SPECC1: variants seen among roughly 807,000 people sequenced by gnomAD.
SPECC1 encodes cytospin-B.
Under a neutral mutation model 104.1 loss-of-function variants are expected in SPECC1, and 62 were observed. The ratio of observed to expected loss-of-function variants is 0.60; its 90% confidence interval spans 0.49 to 0.74. SPECC1 has a LOEUF of 0.74. Among genes scored for constraint, SPECC1 ranks in the 30% least tolerant of loss-of-function variants. The pLI is 0.00. For missense variants in SPECC1, 1,306 were observed against 1,310.5 expected (o/e 1.00, Z 0.05); for synonymous variants, 513 against 501.6 (o/e 1.02, Z -0.30).
At chr17:20,100,106 T>A in intron 2 of SPECC1, among the ~76,000 whole-genome samples, 1 of 152,218 alleles carries the variant, frequency 6.6e-6, no homozygotes, top group Non-Finnish European at 1.5e-5. Flanking sequence ...TTTTTAAAAT[T>A]AATGTTTTGA....
chr17:20,151,763 C>T (rs2032025722), intron 3 of SPECC1, among the ~76,000 whole-genome samples: 1 of 152,140 alleles, frequency 6.6e-6, no homozygotes, highest in African/African-American at 2.4e-5. Flanking sequence ...TTAAAATTAT[C>T]CATGGCTGGG....
intron 3 of SPECC1, among the ~76,000 whole-genome samples, chr17:20,154,476 C>T (rs2032282090): frequency 6.6e-6 from 1 of 152,054 alleles, no homozygotes; most frequent in African/African-American, 2.4e-5. Context: ...GGAACATGCC[C>T]CGCTTATTTG....
At chr17:20,178,495 G>C (rs566040535) in intron 3 of SPECC1, among the ~76,000 whole-genome samples, 72 of 152,280 alleles carry the variant, frequency 4.7e-4, no homozygotes, top group Non-Finnish European at 8.7e-4. Flanking sequence ...ATATCAAGCT[G>C]AACATTCACA....
At chr17:20,239,569 C>T (rs1245325541) in intron 7 of SPECC1, 1 of 155,704 alleles carries the variant, frequency 6.4e-6, no homozygotes. Flanking sequence ...TACTAATGCA[C>T]AACAAGGTTA....
At chr17:20,067,758 A>G (rs1038919440) in intron 1 of SPECC1, among the ~76,000 whole-genome samples, 8 of 152,290 alleles carry the variant, frequency 5.3e-5, no homozygotes, top group Non-Finnish European at 1.0e-4. Context: ...AAAGTGAACA[A>G]TATGGTGATT....
At chr17:20,167,009 G>A (rs79932922) in intron 3 of SPECC1, among the ~76,000 whole-genome samples, 1 of 151,876 alleles carries the variant, frequency 6.6e-6, no homozygotes, top group African/African-American at 2.4e-5. Flanking sequence ...TACTCAGGAG[G>A]CTGGGGCAGA....
At chr17:20,176,598 G>A (rs1316962759) in intron 3 of SPECC1, among the ~76,000 whole-genome samples, 1 of 152,080 alleles carries the variant, frequency 6.6e-6, no homozygotes, top group Non-Finnish European at 1.5e-5. Context: ...TGGCAGGGCT[G>A]TGTTCCTTCT....
At chr17:20,110,207 C>G (rs1324090783) in intron 2 of SPECC1, among the ~76,000 whole-genome samples, 2 of 152,166 alleles carry the variant, frequency 1.3e-5, no homozygotes, top group Admixed American at 1.3e-4. Context: ...AGACACTGCT[C>G]TTTGAAACAG....
chr17:20,211,668 T>G (rs2037158545), intron 4 of SPECC1, among the ~76,000 whole-genome samples: 1 of 152,244 alleles, frequency 6.6e-6, no homozygotes, highest in Non-Finnish European at 1.5e-5. Context: ...AGGTCTCTGT[T>G]CTTGAAGCCC....
chr17:20,100,524 T>C (rs1453332620), intron 2 of SPECC1, among the ~76,000 whole-genome samples: 2 of 152,218 alleles, frequency 1.3e-5, no homozygotes, highest in Non-Finnish European at 2.9e-5. Flanking sequence ...AGCATCTCAC[T>C]ATATTTGCTT....
intron 3 of SPECC1, among the ~76,000 whole-genome samples, chr17:20,165,048 G>C (rs1350971188): frequency 6.6e-6 from 1 of 152,018 alleles, no homozygotes; most frequent in African/African-American, 2.4e-5. Context: ...ATTTTAAAAA[G>C]TTAAATTTAT....
At chr17:20,213,101 CTTTTCTTTTTTTTT>C (rs2037263836) in intron 4 of SPECC1, among the ~76,000 whole-genome samples, 1 of 151,410 alleles carries the variant, frequency 6.6e-6, no homozygotes, top group African/African-American at 2.4e-5. Context: ...TCTTTTTTTT[CTTTTCTTTTTTTTT>C]GAGACATGGT....
chr17:20,017,318 G>A (rs1242846417), intron 1 of SPECC1: 1 of 152,386 alleles, frequency 6.6e-6, no homozygotes, highest in African/African-American at 2.4e-5. Context: ...AACTCACCAG[G>A]AGGAACGAAC....
intron 4 of SPECC1, among the ~76,000 whole-genome samples, chr17:20,214,245 TC>T (rs2037346376): frequency 6.6e-6 from 1 of 152,272 alleles, no homozygotes; most frequent in African/African-American, 2.4e-5. Flanking sequence ...TGCAAATATT[TC>T]CTCTCATTCT....
chr17:20,153,966 G>T (rs912336770), intron 3 of SPECC1, among the ~76,000 whole-genome samples: 1 of 152,176 alleles, frequency 6.6e-6, no homozygotes. Flanking sequence ...ATATTTGCTT[G>T]TACATGCTCA....
intron 7 of SPECC1, chr17:20,237,358 A>G (rs1383098571): frequency 1.2e-5 from 11 of 920,494 alleles, no homozygotes; most frequent in Non-Finnish European, 1.5e-5. Context: ...CTTGTTGCCC[A>G]GGCTGGAGTG....
chr17:20,194,475 A>G (rs545924298), intron 3 of SPECC1, among the ~76,000 whole-genome samples: 20 of 143,396 alleles, frequency 1.4e-4, no homozygotes, highest in Middle Eastern at 7.4e-3. Flanking sequence ...AATTTCTCCA[A>G]TTGTGTTCTG....
In SPECC1 at chr17:20,204,362, A is replaced by C; in HGVS notation, c.313A>C (p.Ile105Leu). Residue 105 changes from isoleucine (I) to leucine (L), a missense_variant, in exon 4 of 15, where the codon ATT becomes CTT. Transcript: ENST00000395527. The stretch of plus-strand genomic sequence containing the variant: ...CTTTACAACAACTAAACGGACAGGC[A>C]TTCCAGCCCCACGGGAATTTTCAGT... ...GAFTTTKRTG[I>L]PAPREFSVTV... 1 of 1,613,250 alleles carries C rather than the reference A, an allele frequency of 6.2e-7. No individual in the cohort carries two copies. Among genetic ancestry groups the C allele is most frequent in the African/African-American group, 1.3e-5 (1 of 74,986 alleles).
At chr17:20,079,623 A>G (rs769325026) in intron 1 of SPECC1, among the ~76,000 whole-genome samples, 1 of 152,124 alleles carries the variant, frequency 6.6e-6, no homozygotes, top group Non-Finnish European at 1.5e-5. Context: ...CTGAGGTTCA[A>G]AATAAGCCCT....
Sources: gnomAD v4.1 joint callset for allele counts (sites outside exome capture counted in the v4.1 genomes callset) on GRCh38, gnomAD v4.1.1 for gene constraint, MANE v1.5 for transcripts, NCBI Gene and HGNC (gene_info 2026-07-23, HGNC 2026-07-21) for gene names.